Variants in FAM210A observed in about 807,000 individuals in gnomAD.
FAM210A encodes the protein family with sequence similarity 210 member A.
In FAM210A, 13 loss-of-function variants were observed where a neutral mutation model predicts 25.3. That is an observed-to-expected ratio of 0.51 (90% CI 0.33 to 0.82). FAM210A has a LOEUF of 0.82. Ranked by LOEUF, FAM210A falls within the 40% of genes least tolerant of loss-of-function variation. FAM210A has a pLI of 0.02. For synonymous variants in FAM210A, 125 were observed against 118.7 expected (o/e 1.05, Z -0.35); for missense variants, 319 against 323.2 (o/e 0.99, Z 0.10).
chr18:13,692,675 A>G (rs1326355373), intron 1 of FAM210A, among the ~76,000 whole-genome samples: 6 of 152,256 alleles, frequency 3.9e-5, no homozygotes, highest in African/African-American at 1.2e-4. Flanking sequence ...TGAAGGCAGA[A>G]ATAAAGATGT....
At chr18:13,707,896 C>CT (rs376355995) in intron 1 of FAM210A, among the ~76,000 whole-genome samples, 3,289 of 147,512 alleles carry the variant, frequency 0.022, 54 homozygotes, top group African/African-American at 0.048. Flanking sequence ...CATCATTTCC[C>CT]TTTTTTTTTT....
intron 1 of FAM210A, among the ~76,000 whole-genome samples, chr18:13,682,863 C>T (rs12961113): frequency 0.27 from 40,425 of 151,880 alleles, 6,813 homozygotes; most frequent in Non-Finnish European, 0.38. Flanking sequence ...AGCAAGACTC[C>T]GTTTCAAAAA....
At chr18:13,678,258 A>G (rs927046433) in intron 2 of FAM210A, among the ~76,000 whole-genome samples, 3 of 152,218 alleles carry the variant, frequency 2.0e-5, no homozygotes, top group African/African-American at 7.2e-5. Flanking sequence ...TTTGTCAGAT[A>G]AAGAAGCAAG....
chr18:13,715,974 G>A (rs764529078), intron 1 of FAM210A, among the ~76,000 whole-genome samples: 1 of 152,198 alleles, frequency 6.6e-6, no homozygotes, highest in Non-Finnish European at 1.5e-5. Context: ...TGATGAAAAT[G>A]TTCTATATCT....
intron 1 of FAM210A, chr18:13,715,040 G>C (rs1024006365): frequency 1.3e-5 from 2 of 151,904 alleles, no homozygotes; most frequent in African/African-American, 4.8e-5. Context: ...CAATAACCTA[G>C]TTATATAATG....
At chr18:13,717,320 T>A (rs2043868584) in intron 1 of FAM210A, among the ~76,000 whole-genome samples, 2 of 152,160 alleles carry the variant, frequency 1.3e-5, no homozygotes, top group African/African-American at 2.4e-5. Context: ...TCTTTGTTTG[T>A]TTTTTAGAGA....
rs2043383660 is a variant in FAM210A at position 13,664,417 on chromosome 18, CAT to C, written c.*2061_*2062del. 1.3e-5 allele frequency: 2 copies of C among 152,130 alleles called. No homozygotes were observed. Among genetic ancestry groups the C allele is most frequent in the African/African-American group, 2.4e-5 (1 of 41,416 alleles). 9.4% of individuals were successfully genotyped at this position (152,130 alleles called of 1,614,324 possible). A position where few individuals can be genotyped will look rare whatever the true frequency, so the allele number is the denominator to read the frequency against. ...AATTCCATATAACACAAGATTTTCACATAGTCTCCAGTGGTTAAAAAGAAAAA... is the reference window on the plus strand; with the variant it reads ...AATTCCATATAACACAAGATTTTCACAGTCTCCAGTGGTTAAAAAGAAAAA... On this transcript the variant is annotated 3_prime_UTR_variant, in exon 4 of 4. Transcript: ENST00000651643.
intron 3 of FAM210A, among the ~76,000 whole-genome samples, chr18:13,669,360 C>T (rs1414300327): frequency 6.6e-6 from 1 of 152,186 alleles, no homozygotes; most frequent in Non-Finnish European, 1.5e-5. Flanking sequence ...TAAGGGCCAA[C>T]AAGGCTGTCC....
chr18:13,668,509 CT>C (rs1360584531), intron 3 of FAM210A, among the ~76,000 whole-genome samples: 1 of 152,214 alleles, frequency 6.6e-6, no homozygotes, highest in Admixed American at 6.5e-5. Flanking sequence ...AACTTTTCCC[CT>C]GAATTCCAGT....
intron 1 of FAM210A, among the ~76,000 whole-genome samples, chr18:13,688,512 T>A (rs565371712): frequency 3.9e-5 from 6 of 152,348 alleles, no homozygotes; most frequent in Middle Eastern, 3.4e-3. Context: ...CTCTCCCCAC[T>A]GAAAGCAGCT....
intron 1 of FAM210A, among the ~76,000 whole-genome samples, chr18:13,689,960 T>A (rs2043629040): frequency 6.6e-6 from 1 of 152,164 alleles, no homozygotes; most frequent in African/African-American, 2.4e-5. Context: ...GGGCAGGGCA[T>A]CACCTCACCT....
At chr18:13,720,528 G>C (rs1485187489) in intron 1 of FAM210A, among the ~76,000 whole-genome samples, 1 of 152,144 alleles carries the variant, frequency 6.6e-6, no homozygotes, top group Non-Finnish European at 1.5e-5. Flanking sequence ...AATTTCACAG[G>C]TGGAAGGCCC....
chr18:13,680,400 A>C (rs1330857456), intron 2 of FAM210A, among the ~76,000 whole-genome samples: 2 of 152,240 alleles, frequency 1.3e-5, no homozygotes, highest in African/African-American at 2.4e-5. Context: ...ATATGCAATG[A>C]AGAAGGATAT....
At chr18:13,677,800 A>T (rs763047574) in intron 2 of FAM210A, among the ~76,000 whole-genome samples, 13 of 152,122 alleles carry the variant, frequency 8.5e-5, no homozygotes, top group Non-Finnish European at 1.9e-4. Flanking sequence ...ATTAAGAAAG[A>T]GCATTGCCTA....
At chr18:13,667,300 T>C (rs1389949973) in intron 3 of FAM210A, among the ~76,000 whole-genome samples, 5 of 152,172 alleles carry the variant, frequency 3.3e-5, no homozygotes. Context: ...AGTAGTAAAA[T>C]GGCACACCTG....
intron 2 of FAM210A, among the ~76,000 whole-genome samples, chr18:13,679,120 T>G (rs1486244745): frequency 6.6e-6 from 1 of 152,256 alleles, no homozygotes; most frequent in Non-Finnish European, 1.5e-5. Context: ...TCTGTCATTC[T>G]AAATATAGAA....
At chr18:13,707,482 C>A (rs1038591713) in intron 1 of FAM210A, among the ~76,000 whole-genome samples, 48 of 152,226 alleles carry the variant, frequency 3.2e-4, no homozygotes, top group Non-Finnish European at 2.9e-5. Flanking sequence ...TTGTTCCTGC[C>A]TTTGCAAAAC....
intron 1 of FAM210A, among the ~76,000 whole-genome samples, chr18:13,725,626 G>C (rs2043935841): frequency 6.6e-6 from 1 of 152,192 alleles, no homozygotes; most frequent in African/African-American, 2.4e-5. Context: ...CTTGACGCAC[G>C]ACGTTAATAT....
rs2043381059 is a variant in FAM210A, at chr18:13,664,033, T to A, written c.*2447A>T. The A allele has an allele frequency of 6.6e-6, 1 of 152,210 alleles. No homozygotes were observed. The allele number at this position is 152,210 out of a possible 1,614,324, so 9.4% of individuals were successfully genotyped here. A position where few individuals can be genotyped will look rare whatever the true frequency, so the allele number is the denominator to read the frequency against. On this transcript the variant is annotated 3_prime_UTR_variant, in exon 4 of 4. Transcript: ENST00000651643. ...GTACTGTATTCTGTTAGCCTGCTAT[T>A]AATACTCCAAACTCAACATATTACA...
Sources: gnomAD v4.1 joint callset for allele counts (sites outside exome capture counted in the v4.1 genomes callset) on GRCh38, gnomAD v4.1.1 for gene constraint, MANE v1.5 for transcripts, NCBI Gene and HGNC (gene_info 2026-07-23, HGNC 2026-07-21) for gene names.